SRGAP3: variants seen among roughly 807,000 people sequenced by gnomAD.
The protein encoded by SRGAP3 is SLIT-ROBO Rho GTPase-activating protein 3.
A neutral mutation model predicts 121.1 loss-of-function variants in SRGAP3; 39 were observed. The ratio of observed to expected loss-of-function variants is 0.32; its 90% CI spans 0.25 to 0.42. The LOEUF (loss-of-function observed/expected upper bound fraction) is 0.42. Ranked by LOEUF, SRGAP3 falls within the 10% of genes least tolerant of loss-of-function variation. The pLI is 1.00. For synonymous variants in SRGAP3, 601 were observed against 570.0 expected, an observed-to-expected ratio of 1.05 and a Z score of -0.77; for missense variants, 1,213 against 1,470.6, an observed-to-expected ratio of 0.82 and a Z score of 2.86.
intron 12 of SRGAP3, among the ~76,000 whole-genome samples, chr3:9,031,333 T>C (rs1944470634): frequency 6.6e-6 from 1 of 152,072 alleles, no homozygotes; most frequent in Non-Finnish European, 1.5e-5. Context: ...AGACAGAGGA[T>C]TCCTTTGGTA....
intron 1 of SRGAP3, among the ~76,000 whole-genome samples, chr3:9,184,107 A>C (rs1951521320): frequency 6.6e-6 from 1 of 152,162 alleles, no homozygotes; most frequent in South Asian, 2.1e-4. Context: ...AAAGGGGCTT[A>C]AGGAAGCAAA....
At chr3:9,146,153 C>T (rs1019994443) in intron 1 of SRGAP3, among the ~76,000 whole-genome samples, 48 of 152,232 alleles carry the variant, frequency 3.2e-4, no homozygotes, top group African/African-American at 1.1e-3. Flanking sequence ...GGAGACTCAA[C>T]TAAGACTTAT....
At chr3:9,001,664 T>C (rs1284816786) in intron 18 of SRGAP3, among the ~76,000 whole-genome samples, 7 of 151,962 alleles carry the variant, frequency 4.6e-5, no homozygotes, top group Non-Finnish European at 7.4e-5. Context: ...AATAAAATAA[T>C]TTAAAAGACA....
intron 3 of SRGAP3, among the ~76,000 whole-genome samples, chr3:9,322,823 G>A (rs147093812): frequency 7.2e-5 from 11 of 151,740 alleles, no homozygotes; most frequent in African/African-American, 2.7e-4. Flanking sequence ...CTTACCATAC[G>A]GCCCAGCAAT....
intron 1 of SRGAP3, among the ~76,000 whole-genome samples, chr3:9,158,490 A>G (rs1300938313): frequency 2.0e-5 from 3 of 152,184 alleles, no homozygotes; most frequent in African/African-American, 7.2e-5. Context: ...TGTTTGAACA[A>G]TCATGTTCGA....
intron 3 of SRGAP3, among the ~76,000 whole-genome samples, chr3:9,267,039 G>A (rs1435053671): frequency 6.6e-6 from 1 of 152,166 alleles, no homozygotes; most frequent in African/African-American, 2.4e-5. Flanking sequence ...GGAAATGAAC[G>A]CAGCATCGGG....
chr3:9,201,033 A>G (rs551005383), intron 1 of SRGAP3, among the ~76,000 whole-genome samples: 2 of 152,332 alleles, frequency 1.3e-5, no homozygotes, highest in Admixed American at 6.5e-5. Context: ...CCTCAAGCCA[A>G]TTCCAGAGGC....
chr3:9,004,993 A>G (rs1942984287), intron 18 of SRGAP3, among the ~76,000 whole-genome samples: 1 of 152,250 alleles, frequency 6.6e-6, no homozygotes, highest in African/African-American at 2.4e-5. Flanking sequence ...AGAATGGGAG[A>G]AAATATTTGG....
intron 1 of SRGAP3, among the ~76,000 whole-genome samples, chr3:9,229,644 G>A (rs1953128155): frequency 6.6e-6 from 1 of 152,294 alleles, no homozygotes; most frequent in Middle Eastern, 3.4e-3. Context: ...ACAGGATGGG[G>A]TCAGGGCCTG....
At chr3:9,154,274 A>C (rs111925227) in intron 1 of SRGAP3, among the ~76,000 whole-genome samples, 2,450 of 149,794 alleles carry the variant, frequency 0.016, 31 homozygotes, top group Non-Finnish European at 0.026. Context: ...CCTCATCACC[A>C]AACAGTGTTC....
intron 1 of SRGAP3, among the ~76,000 whole-genome samples, chr3:9,360,303 T>TGTGAAAGGAATC (rs1338946529): frequency 3.9e-5 from 6 of 152,192 alleles, no homozygotes; most frequent in African/African-American, 1.2e-4. Flanking sequence ...TTCCTTGACT[T>TGTGAAAGGAATC]ACAATGGGAT....
intron 18 of SRGAP3, among the ~76,000 whole-genome samples, chr3:8,999,722 C>T (rs1412581738): frequency 1.3e-5 from 2 of 152,120 alleles, no homozygotes; most frequent in Non-Finnish European, 2.9e-5. Context: ...CTCTTTTCTC[C>T]CCTTCTCACT....
intron 1 of SRGAP3, among the ~76,000 whole-genome samples, chr3:9,181,758 C>A (rs1951410385): frequency 6.6e-6 from 1 of 152,200 alleles, no homozygotes; most frequent in Non-Finnish European, 1.5e-5. Flanking sequence ...TAGATAGGGA[C>A]CGCTAGATAA....
In SRGAP3 at chr3:8,984,836, CACG is replaced by C. The variant is rs1356122228; in HGVS notation, c.*680_*682del. 1 of 230,130 alleles carries C rather than the reference CACG, an allele frequency of 4.3e-6. No individual in the cohort carries two copies. Among genetic ancestry groups the C allele is most frequent in the Non-Finnish European group, 8.6e-6 (1 of 115,890 alleles). The allele number at this position is 230,130 out of a possible 1,614,324, so 14.3% of individuals were successfully genotyped here. On this transcript the variant is annotated 3_prime_UTR_variant, in exon 22 of 22. Coordinates refer to ENST00000383836, the MANE Select transcript of SRGAP3 (RefSeq NM_014850.4). ...TGAGGGGCAGACTGTTCTGGAAGGC[CACG>C]ACTTCTGGAGACAGTGGGAGTCTGT...
chr3:9,245,266 T>C (rs1953778503), intron 1 of SRGAP3, among the ~76,000 whole-genome samples: 1 of 152,210 alleles, frequency 6.6e-6, no homozygotes, highest in Admixed American at 6.5e-5. Context: ...GAACATGTAC[T>C]CTGAAGTCCG....
At chr3:9,043,967 G>A (rs1945136418) in intron 10 of SRGAP3, among the ~76,000 whole-genome samples, 1 of 152,156 alleles carries the variant, frequency 6.6e-6, no homozygotes, top group African/African-American at 2.4e-5. Flanking sequence ...CAGAGATGAT[G>A]ATAAACTGAG....
intron 1 of SRGAP3, among the ~76,000 whole-genome samples, chr3:9,147,701 C>A (rs753943170): frequency 3.3e-5 from 5 of 152,212 alleles, no homozygotes; most frequent in Non-Finnish European, 5.9e-5. Flanking sequence ...AGCATCCAAG[C>A]GCTTCCTTTT....
At chr3:9,189,992 C>T (rs1274484047) in intron 1 of SRGAP3, among the ~76,000 whole-genome samples, 2 of 152,208 alleles carry the variant, frequency 1.3e-5, no homozygotes, top group Admixed American at 6.5e-5. Flanking sequence ...TGTATATTCG[C>T]ATTTAATCCT....
At chr3:9,125,860 T>A (rs1473607767) in intron 1 of SRGAP3, among the ~76,000 whole-genome samples, 1 of 152,092 alleles carries the variant, frequency 6.6e-6, no homozygotes, top group Non-Finnish European at 1.5e-5. Context: ...GAGTATTAGG[T>A]CCAACTCCTC....
Sources: gnomAD v4.1 joint callset for allele counts (sites outside exome capture counted in the v4.1 genomes callset) on GRCh38, gnomAD v4.1.1 for gene constraint, MANE v1.5 for transcripts, NCBI Gene and HGNC (gene_info 2026-07-23, HGNC 2026-07-21) for gene names.